TLN2: variants seen among roughly 807,000 people sequenced by gnomAD.
TLN2 encodes talin 2.
TLN2 carries 118 observed loss-of-function variants against 294.7 expected under a neutral mutation model. The observed-to-expected ratio is 0.40, with a 90% CI of 0.34 to 0.47. TLN2 has a LOEUF of 0.47. TLN2 is among the 20% of genes least tolerant of loss of function. The pLI is 0.84. For synonymous variants in TLN2, 1,431 were observed against 1,304.5 expected (o/e 1.10, Z -2.09); for missense variants, 3,083 against 3,282.2 (o/e 0.94, Z 1.48).
chr15:62,774,608 G>A (rs1331029559), intron 42 of TLN2, among the ~76,000 whole-genome samples: 1 of 152,188 alleles, frequency 6.6e-6, no homozygotes, highest in African/African-American at 2.4e-5. Context: ...AGAAGAGGTA[G>A]ACGTTGAGCT....
intron 23 of TLN2, 69 bp downstream of exon 23, chr15:62,716,528 G>T: frequency 6.6e-7 from 1 of 1,519,262 alleles, no homozygotes; most frequent in South Asian, 1.4e-5. Context: ...AAAGATAGTT[G>T]AATTAACAAG....
At chr15:62,417,881 A>G (rs2034176568) in intron 1 of TLN2, among the ~76,000 whole-genome samples, 1 of 152,164 alleles carries the variant, frequency 6.6e-6, no homozygotes, top group Non-Finnish European at 1.5e-5. Context: ...CCCATCTCAC[A>G]TTCACTTTCA....
At chr15:62,576,290 A>C (rs114376260) in intron 1 of TLN2, among the ~76,000 whole-genome samples, 1,752 of 152,160 alleles carry the variant, frequency 0.012, 29 homozygotes, top group African/African-American at 0.04. Context: ...ATAAAAATAA[A>C]AATAAAGCTG....
intron 37 of TLN2, among the ~76,000 whole-genome samples, chr15:62,757,441 T>C (rs924680147): frequency 6.6e-6 from 1 of 152,238 alleles, no homozygotes; most frequent in East Asian, 1.9e-4. Flanking sequence ...TCAATCATTT[T>C]CTGGTCGTTA....
At chr15:62,417,460 A>G (rs2034150453) in intron 1 of TLN2, among the ~76,000 whole-genome samples, 1 of 152,198 alleles carries the variant, frequency 6.6e-6, no homozygotes, top group Non-Finnish European at 1.5e-5. Flanking sequence ...TGTCCTCATT[A>G]AGGACTTTCC....
At chr15:62,743,482 C>A (rs1183400644) in intron 32 of TLN2, among the ~76,000 whole-genome samples, 1 of 152,000 alleles carries the variant, frequency 6.6e-6, no homozygotes, top group African/African-American at 2.4e-5. Context: ...TTTTTGGGAC[C>A]CTACCTATCC....
chr15:62,601,480 G>GT lies in TLN2; in HGVS notation c.-162+11724dup, dbSNP rs541596430. Among the ~76,000 whole-genome samples, 33 of 152,278 alleles carry GT rather than the reference G, an allele frequency of 2.2e-4. No homozygotes were observed. The East Asian group carries it at 5.0e-3, about 23-fold the overall frequency. On this transcript the variant is annotated intron_variant, in intron 2 of 58. Transcript: ENST00000636159. ...GTCAGACTCAGATCTCTTGGGGTATGTTTTTTATTTTGTTAGTTTGTTCTT... is the reference window on the plus strand; with the variant it reads ...GTCAGACTCAGATCTCTTGGGGTATGTTTTTTTATTTTGTTAGTTTGTTCTT...
intron 25 of TLN2, among the ~76,000 whole-genome samples, chr15:62,721,275 T>A (rs2060131954): frequency 6.6e-6 from 1 of 152,194 alleles, no homozygotes; most frequent in Non-Finnish European, 1.5e-5. Context: ...ATTTACAACT[T>A]AGCAGTATAT....
intron 2 of TLN2, among the ~76,000 whole-genome samples, chr15:62,607,514 T>C (rs1407392966): frequency 2.0e-5 from 3 of 152,216 alleles, no homozygotes; most frequent in African/African-American, 7.2e-5. Flanking sequence ...TGCTATTCTT[T>C]AGCAAAGCCT....
At chr15:62,650,394 T>G (rs191971142) in intron 5 of TLN2, among the ~76,000 whole-genome samples, 3 of 152,338 alleles carry the variant, frequency 2.0e-5, no homozygotes, top group South Asian at 2.1e-4. Flanking sequence ...TCGAGGTTAG[T>G]ATTTTAAGTA....
chr15:62,404,712 G>A (rs941921496), intron 1 of TLN2, among the ~76,000 whole-genome samples: 3 of 152,020 alleles, frequency 2.0e-5, no homozygotes, highest in Non-Finnish European at 4.4e-5. Flanking sequence ...TCCAAGGGGG[G>A]CGTGGATTAT....
intron 24 of TLN2, among the ~76,000 whole-genome samples, chr15:62,718,250 A>C (rs971476118): frequency 6.6e-6 from 1 of 152,216 alleles, no homozygotes; most frequent in Non-Finnish European, 1.5e-5. Context: ...GGTTTCTCTA[A>C]GAGCCCAGGG....
chr15:62,601,568 T>C (rs1596308901), intron 2 of TLN2, among the ~76,000 whole-genome samples: 1 of 152,222 alleles, frequency 6.6e-6, no homozygotes, highest in East Asian at 1.9e-4. Context: ...AACTGTAGAC[T>C]CTTTGTTACA....
At chr15:62,417,947 CT>C (rs1209339829) in intron 1 of TLN2, among the ~76,000 whole-genome samples, 3 of 152,230 alleles carry the variant, frequency 2.0e-5, no homozygotes, top group Non-Finnish European at 4.4e-5. Flanking sequence ...CGCTTGCCCC[CT>C]GGCCTGTCTT....
At chr15:62,555,789 T>C (rs1205068922) in intron 1 of TLN2, among the ~76,000 whole-genome samples, 3 of 152,218 alleles carry the variant, frequency 2.0e-5, no homozygotes, top group Admixed American at 1.3e-4. Flanking sequence ...TAAATATCAA[T>C]GTATTTGCTT....
intron 1 of TLN2, among the ~76,000 whole-genome samples, chr15:62,406,232 C>G (rs921483076): frequency 6.6e-6 from 1 of 152,156 alleles, no homozygotes; most frequent in Non-Finnish European, 1.5e-5. Flanking sequence ...CTTCTGAGGA[C>G]TGTGAGGGGG....
Position 62,812,828 on chromosome 15 carries a change from T to C in TLN2, c.6771+2796T>C, listed in dbSNP as rs538866803. 8.5e-5 allele frequency among the ~76,000 whole-genome samples: 13 copies of C among 152,346 alleles called. 1 individual carries two copies. The South Asian group carries it at 2.7e-3, about 32-fold the overall frequency. Reference sequence around the variant, plus strand: ...GGCGGGCGGGCAGATGGCTGGCCTCTGCCTGAGGGGAGGCCAAGAGGTCCA... The same window carrying C: ...GGCGGGCGGGCAGATGGCTGGCCTCCGCCTGAGGGGAGGCCAAGAGGTCCA... On this transcript the variant is annotated intron_variant, in intron 52 of 58. Coordinates refer to ENST00000636159, the MANE Select transcript of TLN2 (RefSeq NM_015059.3).
At chr15:62,440,465 C>A (rs766437121) in intron 1 of TLN2, among the ~76,000 whole-genome samples, 2 of 152,128 alleles carry the variant, frequency 1.3e-5, no homozygotes, top group East Asian at 1.9e-4. Context: ...GGCTGCAGAT[C>A]GGTAAATACA....
intron 41 of TLN2, among the ~76,000 whole-genome samples, chr15:62,767,040 C>G (rs1449253799): frequency 6.6e-6 from 1 of 152,126 alleles, no homozygotes; most frequent in South Asian, 2.1e-4. Flanking sequence ...GCCTGTGCCT[C>G]AATAAGGAGA....
Sources: gnomAD v4.1 joint callset for allele counts (sites outside exome capture counted in the v4.1 genomes callset) on GRCh38, gnomAD v4.1.1 for gene constraint, MANE v1.5 for transcripts, NCBI Gene and HGNC (gene_info 2026-07-23, HGNC 2026-07-21) for gene names.